The following DLGAP2 variants were observed in gnomAD, a reference collection of about 807,000 sequenced individuals.
DLGAP2 encodes disks large-associated protein 2.
In DLGAP2, 26 loss-of-function variants were observed where a neutral mutation model predicts 100.3. That is an observed-to-expected ratio of 0.26 (90% confidence interval 0.19 to 0.36). The LOEUF is 0.36. Among genes scored for constraint, DLGAP2 ranks in the 10% least tolerant of loss-of-function variants. The probability of loss-of-function intolerance (pLI) is 1.00; values close to 1 mark genes in which losing one functional copy is unlikely to be tolerated. For missense variants in DLGAP2, 1,858 were observed against 1,453.2 expected (o/e 1.28, Z -4.53); for synonymous variants, 886 against 630.1 (o/e 1.41, Z -6.08).
At chr8:980,849 C>T (rs965054609) in intron 2 of DLGAP2, among the ~76,000 whole-genome samples, 1 of 152,088 alleles carries the variant, frequency 6.6e-6, no homozygotes, top group Non-Finnish European at 1.5e-5. Flanking sequence ...CAACGGGCAG[C>T]AGTTAGGGAA....
intron 1 of DLGAP2, among the ~76,000 whole-genome samples, chr8:760,213 A>G (rs1821046221): frequency 6.6e-6 from 1 of 152,124 alleles, no homozygotes; most frequent in Non-Finnish European, 1.5e-5. Context: ...CCAAGGGATG[A>G]CACAGGCTTT....
chr8:1,277,583 C>G lies in DLGAP2; in HGVS notation c.106+18700C>G, dbSNP rs563741086. On this transcript the variant is annotated intron_variant, in intron 3 of 14. Transcript: ENST00000637795. ...AAGTATTAGCCCAGCAGATGAGTAT[C>G]CCAGTATCAGCCAGGTAGGTCAGCA... is the stretch of plus-strand genomic sequence containing the variant. Among the ~76,000 whole-genome samples, 5 of 152,146 alleles carry G rather than the reference C, an allele frequency of 3.3e-5. No homozygotes were observed. In the South Asian group the frequency reaches 6.2e-4, roughly 19 times the overall value.
At chr8:1,278,840 C>G (rs911817270) in intron 3 of DLGAP2, among the ~76,000 whole-genome samples, 1 of 152,112 alleles carries the variant, frequency 6.6e-6, no homozygotes, top group Admixed American at 6.5e-5. Context: ...CTTAGTCTTT[C>G]CAGAGGAGAG....
chr8:869,911 G>A (rs1797565928), intron 1 of DLGAP2, among the ~76,000 whole-genome samples: 1 of 152,054 alleles, frequency 6.6e-6, no homozygotes, highest in Non-Finnish European at 1.5e-5. Context: ...TCTGGAAAGA[G>A]GACTAATCAG....
intron 6 of DLGAP2, among the ~76,000 whole-genome samples, chr8:1,610,739 C>T (rs1452509245): frequency 1.1e-4 from 16 of 144,562 alleles, no homozygotes; most frequent in Non-Finnish European, 1.8e-4. Context: ...TACAAACTAC[C>T]ATCAGAGAAT....
At chr8:1,695,077 C>T (rs1315855598) in intron 13 of DLGAP2, among the ~76,000 whole-genome samples, 1 of 152,220 alleles carries the variant, frequency 6.6e-6, no homozygotes, top group East Asian at 1.9e-4. Context: ...TGCTCTCAGG[C>T]AGCCTCTGCC....
intron 4 of DLGAP2, among the ~76,000 whole-genome samples, chr8:1,536,111 C>A (rs1352155186): frequency 2.0e-5 from 3 of 152,184 alleles, no homozygotes; most frequent in African/African-American, 7.2e-5. Context: ...GGACAAGCAC[C>A]TAGGGCAGGT....
chr8:1,581,882 A>G (rs1387051263), intron 6 of DLGAP2, among the ~76,000 whole-genome samples: 1 of 150,260 alleles, frequency 6.7e-6, no homozygotes, highest in African/African-American at 2.5e-5. Flanking sequence ...ACCATAGTCA[A>G]ACTACCAGAA....
At chr8:1,228,015 C>T (rs979800217) in intron 2 of DLGAP2, among the ~76,000 whole-genome samples, 3 of 151,910 alleles carry the variant, frequency 2.0e-5, no homozygotes, top group African/African-American at 4.8e-5. Context: ...ATGTTATATA[C>T]CTTAAATATA....
At chr8:1,335,929 G>A (rs1322575088) in intron 3 of DLGAP2, among the ~76,000 whole-genome samples, 1 of 151,802 alleles carries the variant, frequency 6.6e-6, no homozygotes, top group African/African-American at 2.4e-5. Flanking sequence ...AGCCGGGGCT[G>A]CGCGTGGTGA....
chr8:1,059,268 A>G (rs1280023334), intron 2 of DLGAP2, among the ~76,000 whole-genome samples: 1 of 151,960 alleles, frequency 6.6e-6, no homozygotes, highest in Admixed American at 6.6e-5. Context: ...GGGTCCCAGC[A>G]TACTCCATCC....
intron 1 of DLGAP2, among the ~76,000 whole-genome samples, chr8:813,160 T>C (rs1257654948): frequency 6.6e-6 from 1 of 152,218 alleles, no homozygotes; most frequent in Admixed American, 6.5e-5. Flanking sequence ...ATAAAATTGC[T>C]ATATTTTCTT....
chr8:1,348,147 A>G (rs1386731937), intron 3 of DLGAP2, among the ~76,000 whole-genome samples: 2 of 151,870 alleles, frequency 1.3e-5, no homozygotes, highest in African/African-American at 4.8e-5. Context: ...GAGTTCCCAT[A>G]CAGAGCTACA....
chr8:835,289 C>G (rs1454061290), intron 1 of DLGAP2, among the ~76,000 whole-genome samples: 1 of 151,896 alleles, frequency 6.6e-6, no homozygotes, highest in African/African-American at 2.4e-5. Context: ...AAATATTACC[C>G]ACTTCTATTC....
intron 1 of DLGAP2, among the ~76,000 whole-genome samples, chr8:767,003 T>A (rs1293004677): frequency 5.3e-5 from 8 of 152,146 alleles, no homozygotes. Context: ...CAGGCGCCCA[T>A]GAGATGGGAA....
At chr8:1,216,585 C>G (rs1353104571) in intron 2 of DLGAP2, among the ~76,000 whole-genome samples, 4 of 152,084 alleles carry the variant, frequency 2.6e-5, no homozygotes, top group Non-Finnish European at 5.9e-5. Context: ...ATCCTCCCAC[C>G]TCAGCCCCTC....
intron 4 of DLGAP2, among the ~76,000 whole-genome samples, chr8:1,511,018 C>G (rs907256022): frequency 1.3e-5 from 2 of 152,232 alleles, no homozygotes; most frequent in Non-Finnish European, 2.9e-5. Context: ...TTTTCTCAAA[C>G]AGTATTTGTT....
At chr8:1,481,266 C>A (rs371729667) in intron 3 of DLGAP2, among the ~76,000 whole-genome samples, 195 of 152,170 alleles carry the variant, frequency 1.3e-3, no homozygotes, top group African/African-American at 4.4e-3. Context: ...TTACGTTTTC[C>A]TACATGATCC....
At chr8:1,085,214 C>A (rs1050109088) in intron 2 of DLGAP2, among the ~76,000 whole-genome samples, 6 of 152,118 alleles carry the variant, frequency 3.9e-5, no homozygotes, top group African/African-American at 1.4e-4. Flanking sequence ...TGGATAATTT[C>A]TTTTCTTTCT....
Sources: allele counts gnomAD v4.1 joint callset (sites outside exome capture counted in the v4.1 genomes callset), GRCh38; gene constraint gnomAD v4.1.1; transcripts MANE v1.5; gene names NCBI Gene and HGNC (gene_info 2026-07-23, HGNC 2026-07-21).